Variants in ADARB2 observed in about 807,000 individuals in gnomAD.
The protein encoded by ADARB2 is adenosine deaminase RNA specific B2 (inactive), also known as inactive double-stranded RNA-specific editase B2.
A neutral mutation model predicts 62.2 loss-of-function variants in ADARB2; 25 were observed. The observed-to-expected ratio is 0.40, with a 90% CI of 0.29 to 0.56. ADARB2 has a LOEUF of 0.56. Ranked by LOEUF, ADARB2 falls within the 20% of genes least tolerant of loss-of-function variation. The probability of loss-of-function intolerance (pLI) is 0.43; values close to 1 mark genes in which losing one functional copy is unlikely to be tolerated. For missense variants in ADARB2, 1,071 were observed against 1,077.4 expected (o/e 0.99, Z 0.08); for synonymous variants, 572 against 500.8 (o/e 1.14, Z -1.90).
At chr10:1,597,312 C>G (rs1463917176) in intron 1 of ADARB2, among the ~76,000 whole-genome samples, 2 of 152,056 alleles carry the variant, frequency 1.3e-5, no homozygotes, top group Non-Finnish European at 2.9e-5. Context: ...TAAGGCAATT[C>G]CCAATTGACA....
At position 1,184,999 on chromosome 10, in the gene ADARB2, G is replaced by C; in HGVS notation, c.1905C>G (p.Pro635=). The stretch of plus-strand genomic sequence containing the variant: ...CCACGACCCAGTTCATGCTGAAGGG[G>C]GGCGACTTCCCCGGCTGGCGCGCCT... ...DAEARQPGKS[P]PFSMNWVVGS... Residue 635 remains proline, a synonymous_variant, in exon 9 of 10, where the codon CCC becomes CCG. Coordinates refer to ENST00000381312, the MANE Select transcript of ADARB2 (RefSeq NM_018702.4). 1 of 1,613,512 alleles carries C rather than the reference G, an allele frequency of 6.2e-7. No homozygotes were observed. Among genetic ancestry groups the C allele is most frequent in the South Asian group, 1.1e-5 (1 of 91,068 alleles).
rs746282824 is a variant in ADARB2, at chr10:1,255,240, A to G, written c.1193-12941T>C. ...TTTAACACTCATTCTTTTTCCTTCCAAAATGGCTGGGGCTTGCTTTGTCAA... is the reference window on the plus strand; with the variant it reads ...TTTAACACTCATTCTTTTTCCTTCCGAAATGGCTGGGGCTTGCTTTGTCAA... On this transcript the variant is annotated intron_variant, in intron 4 of 9. Transcript: ENST00000381312. This position sits in a 1 kb window ranked among gnomAD's most constrained non-coding sequence, Gnocchi z 4.7. 3.3e-5 allele frequency among the ~76,000 whole-genome samples: 5 copies of G among 152,250 alleles called. No individual in the cohort carries two copies. Among genetic ancestry groups the G allele is most frequent in the Middle Eastern group, 3.2e-3 (1 of 314 alleles).
intron 3 of ADARB2, 36 bp from the exon 4 acceptor site, chr10:1,271,105 G>A: frequency 6.4e-7 from 1 of 1,569,954 alleles, no homozygotes; most frequent in Non-Finnish European, 8.7e-7. Flanking sequence ...ACGTTGGGCT[G>A]AGCAGGTGCC....
At chr10:1,389,123 A>T (rs1265545843) in intron 1 of ADARB2, among the ~76,000 whole-genome samples, 1 of 152,214 alleles carries the variant, frequency 6.6e-6, no homozygotes, top group Non-Finnish European at 1.5e-5. Flanking sequence ...ACCTCACATC[A>T]TATGTGAAAA....
intron 1 of ADARB2, among the ~76,000 whole-genome samples, chr10:1,429,702 C>G (rs1830760226): frequency 6.6e-6 from 1 of 152,186 alleles, no homozygotes; most frequent in Non-Finnish European, 1.5e-5. Flanking sequence ...TCCTGCTGGG[C>G]TGGTCTGCAC....
At chr10:1,496,372 C>T (rs1193575840) in intron 1 of ADARB2, among the ~76,000 whole-genome samples, 1 of 151,796 alleles carries the variant, frequency 6.6e-6, no homozygotes, top group Non-Finnish European at 1.5e-5. Context: ...GCACCACCAT[C>T]ATCGTCATCA....
chr10:1,223,899 C>G (rs1407070046), intron 6 of ADARB2, among the ~76,000 whole-genome samples: 1 of 152,122 alleles, frequency 6.6e-6, no homozygotes, highest in South Asian at 2.1e-4. Context: ...TTGGTTGTGT[C>G]TCTGCCAGGC....
intron 3 of ADARB2, among the ~76,000 whole-genome samples, chr10:1,350,054 C>T (rs988384857): frequency 6.6e-6 from 1 of 152,184 alleles, no homozygotes; most frequent in Non-Finnish European, 1.5e-5. Context: ...CTCTTCAACT[C>T]TCGCCTGACC....
intron 1 of ADARB2, among the ~76,000 whole-genome samples, chr10:1,525,543 C>A (rs1285449498): frequency 1.3e-5 from 2 of 152,108 alleles, no homozygotes; most frequent in Non-Finnish European, 2.9e-5. Flanking sequence ...CAAAGTACAT[C>A]AGCAGCCCGA....
In ADARB2 at chr10:1,307,265, C is replaced by A. The variant is rs9794208; in HGVS notation, c.1078-36196G>T. On this transcript the variant is annotated intron_variant, in intron 3 of 9. Coordinates refer to ENST00000381312, the MANE Select transcript of ADARB2 (RefSeq NM_018702.4). ...AAAACAACCCCATTCAAAAAGTGGG[C>A]GAAGGATATGAACAAACACTTCTCA... Among the ~76,000 whole-genome samples, 2 of 85,130 alleles carry A rather than the reference C, an allele frequency of 2.3e-5. 1 individual carries two copies. The highest frequency in any genetic ancestry group is 5.6e-5 in the Non-Finnish European group (2 of 35,942). The allele number at this position is 85,130 out of a possible 152,430, so 55.8% of individuals were successfully genotyped here. A position where few individuals can be genotyped will look rare whatever the true frequency, so the allele number is the denominator to read the frequency against.
In ADARB2 at chr10:1,479,395, C is replaced by T. The variant is rs555026526; in HGVS notation, c.101-100235G>A. On this transcript the variant is annotated intron_variant, in intron 1 of 9. Coordinates refer to ENST00000381312, the MANE Select transcript of ADARB2 (RefSeq NM_018702.4). ...GGATAGCAGATTCCTTTCAGACCCTCGGCCTCACACGGCGGGTTTGTGTGG... is the reference window on the plus strand; with the variant it reads ...GGATAGCAGATTCCTTTCAGACCCTTGGCCTCACACGGCGGGTTTGTGTGG... Among the ~76,000 whole-genome samples the T allele has an allele frequency of 9.8e-5, 15 of 152,308 alleles. No homozygotes were observed. In the South Asian group the frequency reaches 2.9e-3, roughly 29 times the overall value.
chr10:1,645,838 A>T (rs1229449832), intron 1 of ADARB2, among the ~76,000 whole-genome samples: 2 of 152,142 alleles, frequency 1.3e-5, no homozygotes, highest in African/African-American at 4.8e-5. Flanking sequence ...TGCTCAAGAC[A>T]TCCCTTTTTC....
chr10:1,345,040 G>A lies in ADARB2; in HGVS notation c.1077+17988C>T, dbSNP rs56369436. On this transcript the variant is annotated intron_variant, in intron 3 of 9. Coordinates refer to ENST00000381312, the MANE Select transcript of ADARB2 (RefSeq NM_018702.4). ...CCCAGAAGGGCACATGGAGGAAACC[G>A]CCGCAGCCTGGCAGGTGAGCCAGGA... is the stretch of plus-strand genomic sequence containing the variant. 6.0e-3 allele frequency among the ~76,000 whole-genome samples: 916 copies of A among 152,226 alleles called. 13 individuals are homozygous for A. The highest frequency in any genetic ancestry group is 0.021 in the African/African-American group (875 of 41,544).
intron 7 of ADARB2, chr10:1,216,708 G>A: frequency 1.8e-6 from 1 of 565,870 alleles, no homozygotes; most frequent in South Asian, 2.1e-5. Flanking sequence ...GGGGCTGTTT[G>A]CCTCTGCAGC....
At chr10:1,379,625 T>G (rs976622415) in intron 1 of ADARB2, among the ~76,000 whole-genome samples, 2 of 152,180 alleles carry the variant, frequency 1.3e-5, no homozygotes, top group Non-Finnish European at 2.9e-5. Flanking sequence ...TGACATGCAT[T>G]AAAAATAAAG....
intron 3 of ADARB2, among the ~76,000 whole-genome samples, chr10:1,289,733 G>GAC (rs1252555015): frequency 2.0e-5 from 3 of 152,254 alleles, no homozygotes; most frequent in African/African-American, 7.2e-5. Flanking sequence ...TGGGTGACAA[G>GAC]ACAGCCCACA....
At chr10:1,313,901 A>G (rs1831714398) in intron 3 of ADARB2, among the ~76,000 whole-genome samples, 1 of 152,136 alleles carries the variant, frequency 6.6e-6, no homozygotes, top group African/African-American at 2.4e-5. Flanking sequence ...GGCAATGCCA[A>G]ACACCCACAC....
intron 1 of ADARB2, among the ~76,000 whole-genome samples, chr10:1,733,493 T>G (rs1338273976): frequency 6.6e-6 from 1 of 152,194 alleles, no homozygotes; most frequent in Non-Finnish European, 1.5e-5. Flanking sequence ...CTAAAAACAT[T>G]TAAGAAATTC....
rs145389528 is a variant in ADARB2 at position 1,454,738 on chromosome 10, C to T, written c.101-75578G>A. Among the ~76,000 whole-genome samples the T allele has an allele frequency of 2.6e-3, 402 of 152,098 alleles. 4 individuals are homozygous for T. Among genetic ancestry groups the T allele is most frequent in the African/African-American group, 8.5e-3 (352 of 41,484 alleles). On this transcript the variant is annotated intron_variant, in intron 1 of 9. Transcript: ENST00000381312. ...TCTGGAAGATGAAACTTTCTGTAGA[C>T]GGATGGTGGTGATTGCTCACGACTG...
Sources: allele counts gnomAD v4.1 joint callset (sites outside exome capture counted in the v4.1 genomes callset), GRCh38; gene constraint gnomAD v4.1.1; non-coding constraint Gnocchi (gnomAD v3.1); transcripts MANE v1.5; gene names NCBI Gene and HGNC (gene_info 2026-07-23, HGNC 2026-07-21).